Variants in GRIK4 observed in about 807,000 individuals in gnomAD.
GRIK4 encodes the protein glutamate receptor ionotropic, kainate 4.
Under a neutral mutation model 104.9 loss-of-function variants are expected in GRIK4, and 40 were observed. The ratio of observed to expected loss-of-function variants is 0.38; its 90% confidence interval spans 0.30 to 0.50. The LOEUF (loss-of-function observed/expected upper bound fraction) is 0.50, where lower values mean the gene tolerates loss of function less well. Ranked by LOEUF, GRIK4 falls within the 20% of genes least tolerant of loss-of-function variation. The probability of loss-of-function intolerance (pLI) is 0.93; values close to 1 mark genes in which losing one functional copy is unlikely to be tolerated. For synonymous variants in GRIK4, 485 were observed against 524.9 expected (o/e 0.92, Z 1.04); for missense variants, 1,047 against 1,308.1 (o/e 0.80, Z 3.08).
chr11:120,815,893 C>T (rs1282937431), intron 5 of GRIK4, among the ~76,000 whole-genome samples: 1 of 152,162 alleles, frequency 6.6e-6, no homozygotes, highest in Non-Finnish European at 1.5e-5. Flanking sequence ...GGAAGAATGC[C>T]TTCGGGGAAG....
intron 1 of GRIK4, among the ~76,000 whole-genome samples, chr11:120,636,709 G>T (rs1032488338): frequency 6.6e-6 from 1 of 152,136 alleles, no homozygotes; most frequent in African/African-American, 2.4e-5. Context: ...GTGTGGTGGC[G>T]TGCGCCTGTA....
At chr11:120,609,705 G>A (rs140292870) in intron 1 of GRIK4, among the ~76,000 whole-genome samples, 177 of 151,676 alleles carry the variant, frequency 1.2e-3, no homozygotes, top group African/African-American at 3.8e-3. Context: ...GTACAGATGC[G>A]GTTTCACCAT....
chr11:120,588,398 A>G (rs966915808), intron 1 of GRIK4, among the ~76,000 whole-genome samples: 3 of 152,204 alleles, frequency 2.0e-5, no homozygotes, highest in African/African-American at 7.2e-5. Flanking sequence ...CTGTTCAGGC[A>G]TAGAGGGAAC....
chr11:120,604,944 C>T (rs1948940003), intron 1 of GRIK4, among the ~76,000 whole-genome samples: 1 of 152,206 alleles, frequency 6.6e-6, no homozygotes, highest in South Asian at 2.1e-4. Flanking sequence ...CTCACTACAG[C>T]CTCTACCTTT....
chr11:120,595,541 T>C (rs191547682), intron 1 of GRIK4, among the ~76,000 whole-genome samples: 56 of 152,368 alleles, frequency 3.7e-4, no homozygotes, highest in Admixed American at 1.6e-3. Flanking sequence ...GGAGTGGTGC[T>C]CATCTTCCTG....
chr11:120,620,135 A>G (rs183573655), intron 1 of GRIK4: 12 of 818,698 alleles, frequency 1.5e-5, no homozygotes, highest in East Asian at 4.9e-5. Flanking sequence ...GCCACTCAAC[A>G]TGGCTTTATC....
At chr11:120,752,369 C>A (rs992212296) in intron 3 of GRIK4, among the ~76,000 whole-genome samples, 5 of 152,122 alleles carry the variant, frequency 3.3e-5, no homozygotes, top group African/African-American at 1.2e-4. Context: ...TCAGCAGAGC[C>A]CCCCCATGAT....
chr11:120,543,176 T>G (rs949203475), intron 1 of GRIK4, among the ~76,000 whole-genome samples: 1 of 152,224 alleles, frequency 6.6e-6, no homozygotes, highest in African/African-American at 2.4e-5. Context: ...GCTTAGTACC[T>G]GGGTGATGAA....
chr11:120,804,228 C>T (rs368719107), intron 4 of GRIK4, among the ~76,000 whole-genome samples: 1 of 152,214 alleles, frequency 6.6e-6, no homozygotes, highest in African/African-American at 2.4e-5. Flanking sequence ...CAACCTTTGA[C>T]CACACTCAGT....
At chr11:120,798,157 CTTTTTTT>C (rs539833846) in intron 3 of GRIK4, among the ~76,000 whole-genome samples, 24 of 68,120 alleles carry the variant, frequency 3.5e-4, no homozygotes, top group African/African-American at 9.3e-4. Context: ...TCTGCTGTCT[CTTTTTTT>C]TTTTTTTTTT....
At position 120,819,921 on chromosome 11, in the gene GRIK4, G is replaced by T; in HGVS notation, c.511+1G>T. On this transcript the variant is annotated splice_donor_variant, in intron 6 of 20. Coordinates refer to ENST00000527524, the MANE Select transcript of GRIK4 (RefSeq NM_014619.5). LOFTEE classifies it high-confidence loss of function. This position sits in a 1 kb window ranked among gnomAD's most constrained non-coding sequence, Gnocchi z 4.3. ...TGCCTCATCTGTGCCAAAGCAGAAT[G>T]TAAGTTTCCCCAGGCTGGCTCTGCC... 6.2e-7 allele frequency: 1 copy of T among 1,613,596 alleles called. No homozygotes were observed. Among genetic ancestry groups the T allele is most frequent in the Non-Finnish European group, 8.5e-7 (1 of 1,179,950 alleles).
At chr11:120,975,639 A>G (rs1179623974) in intron 19 of GRIK4, among the ~76,000 whole-genome samples, 1 of 152,230 alleles carries the variant, frequency 6.6e-6, no homozygotes, top group Admixed American at 6.5e-5. Context: ...AGGGGATTTT[A>G]TAAGCTGAGC....
chr11:120,557,879 G>A (rs1255673612), intron 1 of GRIK4, among the ~76,000 whole-genome samples: 7 of 152,026 alleles, frequency 4.6e-5, no homozygotes, highest in African/African-American at 1.7e-4. Flanking sequence ...TTAGCTGGGC[G>A]CGGTGGCGGG....
chr11:120,837,124 G>A (rs1252140229), intron 8 of GRIK4, among the ~76,000 whole-genome samples: 1 of 152,178 alleles, frequency 6.6e-6, no homozygotes, highest in East Asian at 1.9e-4. Context: ...CTCCTCAGTA[G>A]GTCCAGTTAC....
intron 1 of GRIK4, among the ~76,000 whole-genome samples, chr11:120,637,307 G>A (rs549024168): frequency 1.3e-5 from 2 of 152,272 alleles, no homozygotes; most frequent in East Asian, 3.9e-4. Context: ...AGGAACATGA[G>A]CCTGTTGAAA....
At position 120,524,072 on chromosome 11, in the gene GRIK4, G is replaced by A. The variant is rs1189233794; in HGVS notation, c.-159+12185G>A. Among the ~76,000 whole-genome samples, 6 of 151,996 alleles carry A rather than the reference G, an allele frequency of 3.9e-5. No homozygotes were observed. The highest frequency in any genetic ancestry group is 7.4e-5 in the Non-Finnish European group (5 of 68,002). ...CTCCCGAGTAGCTGGGACTACAGGC[G>A]CACACCACCATGCCTGGCTAATTTT... On this transcript the variant is annotated intron_variant, in intron 1 of 20. Coordinates refer to ENST00000527524, the MANE Select transcript of GRIK4 (RefSeq NM_014619.5). This position sits in a 1 kb window ranked among gnomAD's most constrained non-coding sequence, Gnocchi z 4.5.
intron 1 of GRIK4, among the ~76,000 whole-genome samples, chr11:120,553,240 A>C (rs1423004589): frequency 2.6e-5 from 4 of 152,158 alleles, no homozygotes; most frequent in African/African-American, 9.7e-5. Flanking sequence ...TGAAACTCTG[A>C]GAGTCAGTGT....
At chr11:120,598,602 G>C (rs904152222) in intron 1 of GRIK4, among the ~76,000 whole-genome samples, 4 of 152,168 alleles carry the variant, frequency 2.6e-5, no homozygotes, top group African/African-American at 9.7e-5. Context: ...TGGCTAGATG[G>C]CTCCTTTGGT....
intron 13 of GRIK4, chr11:120,936,644 G>A (rs569782361): frequency 7.1e-5 from 11 of 154,578 alleles, no homozygotes; most frequent in East Asian, 1.9e-4. Flanking sequence ...TCTTAGGGTC[G>A]TCTTTGCCTG....
Sources: allele counts gnomAD v4.1 joint callset (sites outside exome capture counted in the v4.1 genomes callset), GRCh38; gene constraint gnomAD v4.1.1; non-coding constraint Gnocchi (gnomAD v3.1); transcripts MANE v1.5; gene names NCBI Gene and HGNC (gene_info 2026-07-23, HGNC 2026-07-21).